SNU13: variants seen among roughly 807,000 people sequenced by gnomAD.
SNU13 encodes NHP2-like protein 1.
In SNU13, 2 loss-of-function variants were observed where a neutral mutation model predicts 12.4. That is an observed-to-expected ratio of 0.16 (90% CI 0.07 to 0.51). SNU13 has a LOEUF of 0.51. Ranked by LOEUF, SNU13 falls within the 20% of genes least tolerant of loss-of-function variation. The probability of loss-of-function intolerance (pLI) is 0.96; values close to 1 mark genes in which losing one functional copy is unlikely to be tolerated. For missense variants in SNU13, 66 were observed against 157.8 expected (o/e 0.42, Z 3.12); for synonymous variants, 68 against 66.5 (o/e 1.02, Z -0.11).
At chr22:41,677,828 C>T (rs8141035) in intron 2 of SNU13, among the ~76,000 whole-genome samples, 12,165 of 152,096 alleles carry the variant, frequency 0.08, 1,339 homozygotes, top group African/African-American at 0.25. Context: ...TGCCTTTACA[C>T]CATGCCCAAA....
intron 1 of SNU13, among the ~76,000 whole-genome samples, chr22:41,684,185 G>A (rs560267005): frequency 1.3e-5 from 2 of 152,312 alleles, no homozygotes; most frequent in South Asian, 2.1e-4. Flanking sequence ...GATTACAGGT[G>A]TGAGCCACTG....
intron 1 of SNU13, among the ~76,000 whole-genome samples, chr22:41,680,709 T>G (rs2068256459): frequency 6.6e-6 from 1 of 152,224 alleles, no homozygotes; most frequent in Non-Finnish European, 1.5e-5. Flanking sequence ...CTGTTTTTAT[T>G]TTTTAGATGG....
chr22:41,677,153 C>A (rs61450274), intron 2 of SNU13, among the ~76,000 whole-genome samples: 1,909 of 152,250 alleles, frequency 0.013, 33 homozygotes, highest in African/African-American at 0.043. Context: ...AACACCCACA[C>A]CTCAGCTCTT....
intron 1 of SNU13, chr22:41,682,457 C>T (rs971687917): frequency 1.2e-6 from 2 of 1,603,754 alleles, no homozygotes; most frequent in African/African-American, 1.3e-5. Flanking sequence ...ACGGATGCCC[C>T]GCCCCCAAGA....
upstream of SNU13, among the ~76,000 whole-genome samples, chr22:41,689,477 G>C (rs2068342422): frequency 2.0e-5 from 3 of 146,440 alleles, no homozygotes. Flanking sequence ...AGACCATCCT[G>C]GCTAACACAG....
chr22:41,676,127 G>C (rs1265376372), intron 2 of SNU13, among the ~76,000 whole-genome samples: 1 of 152,092 alleles, frequency 6.6e-6, no homozygotes, highest in Non-Finnish European at 1.5e-5. Flanking sequence ...CCACCAGCAA[G>C]TAGTAGTATA....
At position 41,674,770 on chromosome 22, in the gene SNU13, C is replaced by G; in HGVS notation, c.*163G>C. 3 of 951,364 alleles carry G rather than the reference C, an allele frequency of 3.2e-6. No homozygotes were observed. Among genetic ancestry groups the G allele is most frequent in the Non-Finnish European group, 4.6e-6 (3 of 650,056 alleles). The allele number at this position is 951,364 out of a possible 1,614,324, so 58.9% of individuals were successfully genotyped here. ...GAGGAAAGGAAGGGGGATAGCAACC[C>G]TGTAAAACAGAACAAAAACAACACA... On this transcript the variant is annotated 3_prime_UTR_variant, in exon 3 of 3. Coordinates refer to ENST00000401959, the MANE Select transcript of SNU13 (RefSeq NM_001003796.2).
chr22:41,687,448 G>A (rs1309588213), intron 1 of SNU13, among the ~76,000 whole-genome samples: 1 of 152,104 alleles, frequency 6.6e-6, no homozygotes, highest in African/African-American at 2.4e-5. Context: ...TCAGGAATCT[G>A]AACAATCATT....
At chr22:41,683,872 A>G (rs577918205) in intron 1 of SNU13, among the ~76,000 whole-genome samples, 1 of 152,034 alleles carries the variant, frequency 6.6e-6, no homozygotes, top group South Asian at 2.1e-4. Context: ...AATTTAGGAC[A>G]TGGACACACA....
intron 1 of SNU13, among the ~76,000 whole-genome samples, chr22:41,681,947 C>T (rs2068267134): frequency 6.6e-6 from 1 of 152,078 alleles, no homozygotes; most frequent in African/African-American, 2.4e-5. Context: ...CTCCTTCCAT[C>T]TCATTCCCAC....
intron 2 of SNU13, among the ~76,000 whole-genome samples, chr22:41,678,828 C>G (rs2068236667): frequency 6.6e-6 from 1 of 152,186 alleles, no homozygotes; most frequent in African/African-American, 2.4e-5. Flanking sequence ...CTTCCTTCAG[C>G]AACACAGGTA....
intron 1 of SNU13, among the ~76,000 whole-genome samples, chr22:41,685,968 CAAAAA>C (rs546316422): frequency 7.9e-6 from 1 of 126,070 alleles, no homozygotes; most frequent in African/African-American, 3.0e-5. Flanking sequence ...GACTCTGTCT[CAAAAA>C]AAAAAAAAAA....
chr22:41,686,911 C>T, intron 1 of SNU13, among the ~76,000 whole-genome samples: 1 of 151,858 alleles, frequency 6.6e-6, no homozygotes, highest in Non-Finnish European at 1.5e-5. Flanking sequence ...AGGCGTGAGC[C>T]ACCGTGCCCA....
intron 1 of SNU13, chr22:41,682,446 C>A: frequency 6.2e-7 from 1 of 1,608,588 alleles, no homozygotes; most frequent in Non-Finnish European, 8.5e-7. Flanking sequence ...ACCGCAAGGA[C>A]ACGGATGCCC....
chr22:41,680,432 C>T (rs2068252979), intron 1 of SNU13, 68 bp from the exon 2 acceptor site: 1 of 1,543,480 alleles, frequency 6.5e-7, no homozygotes, highest in Admixed American at 1.8e-5. Flanking sequence ...TCACAAAATA[C>T]TAATCAACAA....
chr22:41,676,999 C>A (rs1338468725), intron 2 of SNU13, among the ~76,000 whole-genome samples: 1 of 152,180 alleles, frequency 6.6e-6, no homozygotes, highest in Admixed American at 6.5e-5. Context: ...TCTTGAACAT[C>A]TTTCATTAAA....
intron 1 of SNU13, among the ~76,000 whole-genome samples, chr22:41,688,502 T>C (rs975558211): frequency 5.3e-5 from 8 of 152,158 alleles, no homozygotes; most frequent in African/African-American, 1.9e-4. Flanking sequence ...TTGGTCTCTT[T>C]CTCCCAGGCT....
intron 2 of SNU13, 38 bp downstream of exon 2, chr22:41,680,206 C>T: frequency 2.5e-6 from 4 of 1,588,670 alleles, no homozygotes; most frequent in Non-Finnish European, 3.4e-6. Context: ...AAACAGGTGC[C>T]TTTAACATTC....
rs372135686 is a variant in SNU13 at position 41,674,890 on chromosome 22, C to G, written c.*43G>C. On this transcript the variant is annotated 3_prime_UTR_variant, in exon 3 of 3. Coordinates refer to ENST00000401959, the MANE Select transcript of SNU13 (RefSeq NM_001003796.2). ...ACACAGATAATATGATACACAACCTCAGGGGGGAAGCTGGCAGGGAGCACG... is the reference window on the plus strand; with the variant it reads ...ACACAGATAATATGATACACAACCTGAGGGGGGAAGCTGGCAGGGAGCACG... The G allele has an allele frequency of 1.2e-6, 2 of 1,600,236 alleles. No individual in the cohort carries two copies. The highest frequency in any genetic ancestry group is 2.7e-5 in the African/African-American group (2 of 74,550).
Sources: gnomAD v4.1 joint callset for allele counts (sites outside exome capture counted in the v4.1 genomes callset) on GRCh38, gnomAD v4.1.1 for gene constraint, MANE v1.5 for transcripts, NCBI Gene and HGNC (gene_info 2026-07-23, HGNC 2026-07-21) for gene names.